The following AGRN variants were observed in gnomAD, a reference collection of about 807,000 sequenced individuals.
AGRN encodes the protein agrin proteoglycan.
Under a neutral mutation model 211.0 loss-of-function variants are expected in AGRN, and 106 were observed. That is an observed-to-expected ratio of 0.50 (90% CI 0.43 to 0.59). The LOEUF (loss-of-function observed/expected upper bound fraction) is 0.59. Among genes scored for constraint, AGRN ranks in the 20% least tolerant of loss-of-function variants. The pLI is 0.00. For missense variants in AGRN, 3,040 were observed against 2,982.6 expected, an observed-to-expected ratio of 1.02 and a Z score of -0.45; for synonymous variants, 1,525 against 1,332.5, an observed-to-expected ratio of 1.14 and a Z score of -3.15.
rs1278843643 is a variant in AGRN, at chr1:1,053,907, T to C, written c.5806T>C (p.Ser1936Pro). Residue 1936 changes from serine to proline, a missense_variant, in exon 34 of 36, where the codon TCC becomes CCC. This residue lies in a region of AGRN where 1,537 missense variants were observed against 1,505.0 expected (regional missense o/e 1.02). Transcript: ENST00000379370. ...GHLQLSYNLG[S>P]QPVVLRSTVP... ...CCTGCAACTGAGCTACAACCTGGGC[T>C]CCCAGCCCGTGGTGCTGCGTTCCAC... is the stretch of plus-strand genomic sequence containing the variant. 1 of 1,607,632 alleles carries C rather than the reference T, an allele frequency of 6.2e-7. No individual in the cohort carries two copies.
intron 30 of AGRN, 31 bp downstream of exon 30, chr1:1,050,868 G>C: frequency 2.6e-5 from 40 of 1,527,894 alleles, no homozygotes; most frequent in Non-Finnish European, 3.5e-5. Context: ...GGGGACTCCC[G>C]CTGCTGCCTG....
In AGRN at chr1:1,043,634, G is replaced by A; in HGVS notation, c.1700G>A (p.Cys567Tyr). 6.2e-7 allele frequency: 1 copy of A among 1,603,186 alleles called. No homozygotes were observed. Among genetic ancestry groups the A allele is most frequent in the South Asian group, 1.1e-5 (1 of 91,064 alleles). The change falls in exon 9 of 36, where the codon TGT becomes TAT. Residue 567 changes from cysteine (C) to tyrosine (Y), a missense_variant. Coordinates refer to ENST00000379370, the MANE Select transcript of AGRN (RefSeq NM_198576.4). ...TGCGTGGCTTTGGCCCAGCCCGTGTGTGGCTCCGACGGGCACACGTACCCC... is the reference window on the plus strand; with the variant it reads ...TGCGTGGCTTTGGCCCAGCCCGTGTATGGCTCCGACGGGCACACGTACCCC... ...SECVALAQPV[C>Y]GSDGHTYPSE...
At chr1:1,020,969 G>A (rs1383987577) in intron 1 of AGRN, among the ~76,000 whole-genome samples, 1 of 152,038 alleles carries the variant, frequency 6.6e-6, no homozygotes. Context: ...CCCCGGGGAG[G>A]GGAAGTTTCC....
chr1:1,045,387 T>C lies in AGRN; in HGVS notation c.2400T>C (p.Ser800=), dbSNP rs529944515. 122 of 1,611,064 alleles carry C rather than the reference T, an allele frequency of 7.6e-5. 1 individual carries two copies. In the Middle Eastern group the frequency reaches 2.8e-3, roughly 37 times the overall value. Residue 800 remains serine (S), a synonymous_variant, in exon 14 of 36, where the codon TCT becomes TCC. Transcript: ENST00000379370. ...PSACQCNPHG[S]YGGTCDPATG... ...CCTGCCAGTGCAACCCCCATGGCTC[T>C]TACGGCGGCACCTGTGACCCAGCCA...
intron 3 of AGRN, among the ~76,000 whole-genome samples, chr1:1,036,796 G>A (rs1394981428): frequency 6.6e-6 from 1 of 152,180 alleles, no homozygotes; most frequent in Non-Finnish European, 1.5e-5. Context: ...GGGGAGAGGA[G>A]ACCGGTCTGC....
chr1:1,026,582 A>T (rs1014508866), intron 2 of AGRN, among the ~76,000 whole-genome samples: 4 of 152,020 alleles, frequency 2.6e-5, no homozygotes, highest in Non-Finnish European at 5.9e-5. Context: ...CACCTGTGGG[A>T]CCCAGGTCCA....
intron 33 of AGRN, chr1:1,052,639 ATGTG>A (rs1320807013): frequency 6.9e-6 from 1 of 144,860 alleles, no homozygotes; most frequent in Non-Finnish European, 1.3e-5. Context: ...GGAGACATGC[ATGTG>A]TGTGTCCGTG....
Position 1,049,049 on chromosome 1 carries a change from G to GT in AGRN, c.4289dup (p.Gln1431AlafsTer5), listed in dbSNP as rs1557716290. The stretch of plus-strand genomic sequence containing the variant: ...GGCATTGGCGCTGCTAGATGGCCGC[G>GT]TGCAGCTCAGGTGGGCGGGGAGGGG... On this transcript the variant is annotated frameshift_variant, in exon 24 of 36. Coordinates refer to ENST00000379370, the MANE Select transcript of AGRN (RefSeq NM_198576.4). LOFTEE classifies it high-confidence loss of function. The GT allele has an allele frequency of 6.4e-7, 1 of 1,556,974 alleles. No individual in the cohort carries two copies. Among genetic ancestry groups the GT allele is most frequent in the Admixed American group, 1.9e-5 (1 of 52,668 alleles).
At chr1:1,052,435 CGTGT>C (rs1323787264) in intron 33 of AGRN, 13 of 290,116 alleles carry the variant, frequency 4.5e-5, no homozygotes, top group East Asian at 2.0e-4. Flanking sequence ...TGTAGATATG[CGTGT>C]GTGACTATGC....
chr1:1,027,022 A>T (rs1366919951), intron 2 of AGRN, among the ~76,000 whole-genome samples: 1 of 152,072 alleles, frequency 6.6e-6, no homozygotes, highest in South Asian at 2.1e-4. Context: ...AGCCCCCCCG[A>T]AGGGGCCTCT....
At position 1,051,376 on chromosome 1, in the gene AGRN, G is replaced by A. The variant is rs1218816083; in HGVS notation, c.5370+7G>A. 6.4e-7 allele frequency: 1 copy of A among 1,560,100 alleles called. No individual in the cohort carries two copies. The highest frequency in any genetic ancestry group is 1.2e-5 in the South Asian group (1 of 85,144). On this transcript the variant is annotated splice_region_variant and intron_variant, in intron 31 of 35. Coordinates refer to ENST00000379370, the MANE Select transcript of AGRN (RefSeq NM_198576.4). ...CGACGGTGCCATCCAGCTGGTATGT[G>A]GGGGCGGGGCGTCCCAGCAGGGCCT...
chr1:1,050,354 AG>A, intron 28 of AGRN, 25 bp downstream of exon 28: 1 of 1,612,566 alleles, frequency 6.2e-7, no homozygotes, highest in East Asian at 2.2e-5. Context: ...AGCAGGGGGA[AG>A]GGCCGGCCCC....
Position 1,048,351 on chromosome 1 carries a change from C to T in AGRN, c.4091C>T (p.Ala1364Val), listed in dbSNP as rs1379551004. 2.0e-6 allele frequency: 3 copies of T among 1,465,920 alleles called. No homozygotes were observed. The highest frequency in any genetic ancestry group is 2.6e-5 in the Admixed American group (1 of 38,574). 90.8% of individuals were successfully genotyped at this position (1,465,920 alleles called of 1,614,324 possible). The change falls in exon 23 of 36, where the codon GCC becomes GTC. Residue 1364 changes from alanine (A) to valine (V), a missense_variant. Ala to Val is a moderately conservative substitution (Grantham distance 64). Transcript: ENST00000379370. This position sits in a 1 kb window ranked among gnomAD's most constrained non-coding sequence, Gnocchi z 5.9. ...AGCTGCCCGGCAGGCAGGGGAGGCG[C>T]CGTCTGTGAGAAGGGTAAGGATGTC... is the stretch of plus-strand genomic sequence containing the variant. Reference protein sequence around the residue: ...TCSCPAGRGGAVCEKVLGAPV... With the variant: ...TCSCPAGRGGVVCEKVLGAPV...
chr1:1,020,194 G>A lies in AGRN; in HGVS notation c.22G>A (p.Gly8Ser). MAGRSHP[G>S]PLRPLLPLLV... ...CGCCATGGCCGGCCGGTCCCACCCG[G>A]GCCCGCTGCGGCCGCTGCTGCCGCT... Residue 8 changes from glycine (G) to serine (S), a missense_variant, in exon 1 of 36, where the codon GGC becomes AGC. Coordinates refer to ENST00000379370, the MANE Select transcript of AGRN (RefSeq NM_198576.4). The A allele has an allele frequency of 7.3e-7, 1 of 1,360,570 alleles. No homozygotes were observed. The highest frequency in any genetic ancestry group is 9.4e-7 in the Non-Finnish European group (1 of 1,060,144). The allele number at this position is 1,360,570 out of a possible 1,614,324, so 84.3% of individuals were successfully genotyped here.
At chr1:1,033,199 G>A (rs1487876166) in intron 2 of AGRN, among the ~76,000 whole-genome samples, 1 of 152,080 alleles carries the variant, frequency 6.6e-6, no homozygotes, top group African/African-American at 2.4e-5. Context: ...GGAGTCGGGG[G>A]CGCCGGCGAC....
chr1:1,050,404 ACC>A, intron 28 of AGRN, 21 bp from the exon 29 acceptor site: 1 of 1,612,336 alleles, frequency 6.2e-7, no homozygotes, highest in Non-Finnish European at 8.5e-7. Context: ...CAGCAAAGAC[ACC>A]CCGACTCCCC....
At chr1:1,038,899 C>T (rs918975811) in intron 3 of AGRN, among the ~76,000 whole-genome samples, 3 of 152,100 alleles carry the variant, frequency 2.0e-5, no homozygotes, top group African/African-American at 7.2e-5. Flanking sequence ...GCCAGGGGTG[C>T]ATGTGGTTTG....
At position 1,050,562 on chromosome 1, in the gene AGRN, C is replaced by T. The variant is rs755888293; in HGVS notation, c.5112C>T (p.Tyr1704=). Residue 1704 remains tyrosine, a synonymous_variant, in exon 29 of 36, where the codon TAC becomes TAT. Transcript: ENST00000379370. ...ALRDRRLEFR[Y]DLGKGAAVIR... ...GGGACCGCCGCCTGGAGTTCCGCTA[C>T]GACCTGGGCAAGGGGGCAGCGGTCA... 8 of 1,612,206 alleles carry T rather than the reference C, an allele frequency of 5.0e-6. No individual in the cohort carries two copies. In the South Asian group the frequency reaches 8.8e-5, roughly 18 times the overall value.
In AGRN at chr1:1,055,595, A is replaced by C; in HGVS notation, c.*614A>C. On this transcript the variant is annotated 3_prime_UTR_variant, in exon 36 of 36. Coordinates refer to ENST00000379370, the MANE Select transcript of AGRN (RefSeq NM_198576.4). ...GACCCTCAGCTGGCCCTGCCCAGCC[A>C]CCCTGGACGTGACCGTATCCCTCTG... 1 of 179,300 alleles carries C rather than the reference A, an allele frequency of 5.6e-6. No individual in the cohort carries two copies. Among genetic ancestry groups the C allele is most frequent in the Non-Finnish European group, 1.2e-5 (1 of 84,092 alleles). 11.1% of individuals were successfully genotyped at this position (179,300 alleles called of 1,614,324 possible). A position where few individuals can be genotyped will look rare whatever the true frequency, so the allele number is the denominator to read the frequency against.
Sources: gnomAD v4.1 joint callset for allele counts (sites outside exome capture counted in the v4.1 genomes callset) on GRCh38, gnomAD v4.1.1 for gene constraint, gnomAD v4.1.1 regional missense constraint, Gnocchi (gnomAD v3.1) non-coding constraint, MANE v1.5 for transcripts, NCBI Gene and HGNC (gene_info 2026-07-23, HGNC 2026-07-21) for gene names.